Variants in GPC5 observed in about 807,000 individuals in gnomAD.
The protein encoded by GPC5 is glypican 5.
A neutral mutation model predicts 53.9 loss-of-function variants in GPC5; 47 were observed. That is an observed-to-expected ratio of 0.87 (90% confidence interval 0.69 to 1.11). The LOEUF (loss-of-function observed/expected upper bound fraction) is 1.11, where lower values mean the gene tolerates loss of function less well. Among genes scored for constraint, GPC5 ranks in the 50% most tolerant of loss-of-function variants. The pLI is 0.00. For synonymous variants in GPC5, 286 were observed against 263.3 expected, an observed-to-expected ratio of 1.09 and a Z score of -0.84; for missense variants, 748 against 713.1, an observed-to-expected ratio of 1.05 and a Z score of -0.56.
intron 5 of GPC5, among the ~76,000 whole-genome samples, chr13:91,789,849 G>A (rs901181637): frequency 6.6e-6 from 1 of 152,136 alleles, no homozygotes; most frequent in Non-Finnish European, 1.5e-5. Context: ...GCATCTGGTA[G>A]CTTCTGGTAA....
At chr13:91,862,840 T>C (rs1202002066) in intron 5 of GPC5, among the ~76,000 whole-genome samples, 1 of 152,214 alleles carries the variant, frequency 6.6e-6, no homozygotes, top group African/African-American at 2.4e-5. Flanking sequence ...TTGACTTTGA[T>C]CGTCAGGTCT....
At chr13:92,456,327 A>AACAGG (rs1408572862) in intron 7 of GPC5, among the ~76,000 whole-genome samples, 1 of 152,200 alleles carries the variant, frequency 6.6e-6, no homozygotes, top group Non-Finnish European at 1.5e-5. Context: ...TTGAATATAC[A>AACAGG]ACAGGTGGCT....
chr13:92,413,981 C>A (rs1876167577), intron 7 of GPC5, among the ~76,000 whole-genome samples: 1 of 152,046 alleles, frequency 6.6e-6, no homozygotes, highest in Non-Finnish European at 1.5e-5. Flanking sequence ...CTAATTTTTT[C>A]TATTTCATTC....
At chr13:92,480,278 A>G (rs534690827) in intron 7 of GPC5, among the ~76,000 whole-genome samples, 4 of 152,304 alleles carry the variant, frequency 2.6e-5, no homozygotes, top group African/African-American at 7.2e-5. Context: ...TTAACAAGCA[A>G]TTTAAATGTG....
intron 7 of GPC5, among the ~76,000 whole-genome samples, chr13:92,351,811 CAGAGAA>C (rs1478782778): frequency 1.3e-5 from 2 of 152,000 alleles, no homozygotes; most frequent in Admixed American, 1.3e-4. Context: ...GTAAAAAATA[CAGAGAA>C]AATGATACGA....
intron 1 of GPC5, among the ~76,000 whole-genome samples, chr13:91,438,869 C>T (rs980695606): frequency 7.9e-5 from 12 of 152,158 alleles, no homozygotes; most frequent in Non-Finnish European, 1.5e-4. Context: ...GGCGGGCGCC[C>T]CTCCCCCAGC....
At chr13:91,760,346 T>A (rs2037383852) in intron 5 of GPC5, among the ~76,000 whole-genome samples, 1 of 152,292 alleles carries the variant, frequency 6.6e-6, no homozygotes, top group South Asian at 2.1e-4. Context: ...AAATGAAGTA[T>A]AGCAGTGATC....
In GPC5 at chr13:91,496,825, C is replaced by A. The variant is rs189594311; in HGVS notation, c.325+47903C>A. Among the ~76,000 whole-genome samples, 71 of 151,954 alleles carry A rather than the reference C, an allele frequency of 4.7e-4. No individual in the cohort carries two copies. In the East Asian group the frequency reaches 0.013, roughly 27 times the overall value. ...GATGAATGCTTGAGGGGATGGATAC[C>A]CCATTTTCCATGATGTGAATGTTAC... On this transcript the variant is annotated intron_variant, in intron 2 of 7. Coordinates refer to ENST00000377067, the MANE Select transcript of GPC5 (RefSeq NM_004466.6).
intron 1 of GPC5, among the ~76,000 whole-genome samples, chr13:91,418,785 C>G (rs1878407592): frequency 6.6e-6 from 1 of 151,986 alleles, no homozygotes; most frequent in South Asian, 2.1e-4. Flanking sequence ...TACTTCTTTT[C>G]CAGGTGTGAG....
chr13:91,762,199 A>G (rs1479329272), intron 5 of GPC5, among the ~76,000 whole-genome samples: 2 of 152,194 alleles, frequency 1.3e-5, no homozygotes, highest in Non-Finnish European at 2.9e-5. Context: ...TTTTAAAATC[A>G]GATAAAATAG....
intron 2 of GPC5, among the ~76,000 whole-genome samples, chr13:91,660,589 T>C (rs1353431364): frequency 6.6e-6 from 1 of 152,224 alleles, no homozygotes; most frequent in South Asian, 2.1e-4. Flanking sequence ...ATATTTGTTG[T>C]CATCAACCAC....
chr13:91,786,059 C>T (rs1319094594), intron 5 of GPC5, among the ~76,000 whole-genome samples: 8 of 152,146 alleles, frequency 5.3e-5, no homozygotes, highest in South Asian at 4.1e-4. Context: ...TGTAGTGGCA[C>T]GATCTCAGCT....
At chr13:92,385,351 TATAC>T (rs1418855414) in intron 7 of GPC5, among the ~76,000 whole-genome samples, 101 of 87,734 alleles carry the variant, frequency 1.2e-3, no homozygotes, top group African/African-American at 3.9e-3. Flanking sequence ...TATATACATA[TATAC>T]ATATATACAT....
At chr13:92,800,848 C>T (rs1002484688) in intron 7 of GPC5, among the ~76,000 whole-genome samples, 4 of 151,664 alleles carry the variant, frequency 2.6e-5, no homozygotes, top group African/African-American at 7.3e-5. Flanking sequence ...AAGTTAAATT[C>T]TGCAACCCTA....
intron 7 of GPC5, among the ~76,000 whole-genome samples, chr13:92,750,577 C>CCTTATGAATTATCTCCCGTCTGTACTT (rs1889360171): frequency 6.6e-6 from 1 of 152,094 alleles, no homozygotes; most frequent in Non-Finnish European, 1.5e-5. Context: ...AGGAAATTGT[C>CCTTATGAATTATCTCCCGTCTGTACTT]CTTATGAATT....
intron 6 of GPC5, among the ~76,000 whole-genome samples, chr13:92,019,113 C>A (rs1051680926): frequency 4.0e-5 from 6 of 151,820 alleles, no homozygotes; most frequent in African/African-American, 1.5e-4. Context: ...CTAATAAAAT[C>A]AAGTGCCTTT....
At chr13:92,742,395 G>T (rs1889126412) in intron 7 of GPC5, among the ~76,000 whole-genome samples, 1 of 152,142 alleles carries the variant, frequency 6.6e-6, no homozygotes, top group East Asian at 1.9e-4. Flanking sequence ...TTTGAGAAGT[G>T]TCTATTCATA....
chr13:91,765,139 C>A (rs1450089539), intron 5 of GPC5, among the ~76,000 whole-genome samples: 1 of 152,218 alleles, frequency 6.6e-6, no homozygotes, highest in Non-Finnish European at 1.5e-5. Context: ...CAGCCAACTT[C>A]TGCTACAAGA....
At chr13:92,302,622 C>T (rs944744347) in intron 7 of GPC5, among the ~76,000 whole-genome samples, 4 of 152,118 alleles carry the variant, frequency 2.6e-5, no homozygotes, top group African/African-American at 9.7e-5. Context: ...ATAATAACAT[C>T]TGTTGCTATT....
Sources: gnomAD v4.1 joint callset for allele counts (sites outside exome capture counted in the v4.1 genomes callset) on GRCh38, gnomAD v4.1.1 for gene constraint, MANE v1.5 for transcripts, NCBI Gene and HGNC (gene_info 2026-07-23, HGNC 2026-07-21) for gene names.